TAF4: variants seen among roughly 807,000 people sequenced by gnomAD.
TAF4 encodes the protein transcription initiation factor TFIID subunit 4.
Under a neutral mutation model 90.3 loss-of-function variants are expected in TAF4, and 9 were observed. The observed-to-expected ratio is 0.10, with a 90% CI of 0.06 to 0.17. The LOEUF (loss-of-function observed/expected upper bound fraction) is 0.17, where lower values mean the gene tolerates loss of function less well. Ranked by LOEUF, TAF4 falls within the 10% of genes least tolerant of loss-of-function variation. The pLI is 1.00. For missense variants in TAF4, 1,351 were observed against 1,370.7 expected (o/e 0.99, Z 0.23); for synonymous variants, 818 against 638.9 (o/e 1.28, Z -4.23).
intron 1 of TAF4, among the ~76,000 whole-genome samples, chr20:62,048,076 G>A (rs903598486): frequency 1.3e-5 from 2 of 152,288 alleles, no homozygotes; most frequent in South Asian, 2.1e-4. Flanking sequence ...AGGGTGTGTA[G>A]AAGAAATCAA....
intron 1 of TAF4, among the ~76,000 whole-genome samples, chr20:62,029,888 C>T (rs1174621984): frequency 6.6e-6 from 1 of 152,016 alleles, no homozygotes; most frequent in Non-Finnish European, 1.5e-5. Flanking sequence ...CCTGGTGACA[C>T]GGCAAGACTC....
At position 62,064,619 on chromosome 20, in the gene TAF4, T is replaced by A; in HGVS notation, c.1192A>T (p.Thr398Ser). 7.2e-7 allele frequency: 1 copy of A among 1,385,770 alleles called. No individual in the cohort carries two copies. The highest frequency in any genetic ancestry group is 9.3e-7 in the Non-Finnish European group (1 of 1,075,426). The allele number at this position is 1,385,770 out of a possible 1,614,324, so 85.8% of individuals were successfully genotyped here. The change falls in exon 1 of 15, where the codon ACC (threonine) becomes TCC (serine). Residue 398 changes from threonine to serine, a missense_variant. Thr to Ser is a moderately conservative substitution (Grantham distance 58, BLOSUM62 1). Transcript: ENST00000252996. Reference protein sequence around the residue: ...AVPPPAPGTPTGLPKGAAGAV... With the variant: ...AVPPPAPGTPSGLPKGAAGAV... ...CCGGCCGCGCCTTTGGGCAGCCCGG[T>A]GGGGGTCCCGGGGGCGGGCGGCGGG...
chr20:62,022,698 A>G (rs969734830), intron 1 of TAF4, among the ~76,000 whole-genome samples: 4 of 152,204 alleles, frequency 2.6e-5, no homozygotes, highest in Admixed American at 6.5e-5. Flanking sequence ...TTCTGGCTAA[A>G]GCAAGTGTTC....
At chr20:62,008,528 C>A (rs1291324385) in intron 5 of TAF4, among the ~76,000 whole-genome samples, 2 of 129,244 alleles carry the variant, frequency 1.5e-5, no homozygotes, top group Non-Finnish European at 3.1e-5. Flanking sequence ...CTGTTCTCTG[C>A]GACAGAGGTT....
intron 1 of TAF4, among the ~76,000 whole-genome samples, chr20:62,035,109 C>T (rs1039439023): frequency 9.2e-5 from 14 of 152,138 alleles, no homozygotes; most frequent in African/African-American, 1.9e-4. Context: ...CGTGAGCCAC[C>T]GCACCCGGCC....
chr20:62,027,887 C>A (rs2055883427), intron 1 of TAF4, among the ~76,000 whole-genome samples: 1 of 152,226 alleles, frequency 6.6e-6, no homozygotes, highest in African/African-American at 2.4e-5. Context: ...CCCGCCTGCC[C>A]CTTGACCCCT....
chr20:62,046,984 T>C (rs1476724542), intron 1 of TAF4, among the ~76,000 whole-genome samples: 1 of 152,200 alleles, frequency 6.6e-6, no homozygotes, highest in Non-Finnish European at 1.5e-5. Context: ...GATATAAATA[T>C]TTTCTCCAAG....
intron 1 of TAF4, among the ~76,000 whole-genome samples, chr20:62,060,973 G>A (rs1005984484): frequency 2.6e-5 from 4 of 152,210 alleles, no homozygotes; most frequent in African/African-American, 9.7e-5. Flanking sequence ...ATGTTATCTG[G>A]CCCAACCTGA....
intron 1 of TAF4, among the ~76,000 whole-genome samples, chr20:62,029,222 T>C (rs977681293): frequency 6.6e-6 from 1 of 151,686 alleles, no homozygotes; most frequent in African/African-American, 2.4e-5. Context: ...ACTTAGGAAT[T>C]AATGGATCTA....
At chr20:62,025,894 G>T (rs2055871918) in intron 1 of TAF4, among the ~76,000 whole-genome samples, 1 of 152,172 alleles carries the variant, frequency 6.6e-6, no homozygotes, top group Non-Finnish European at 1.5e-5. Context: ...CCGTGCTGGG[G>T]GTAGGGTTCA....
At chr20:62,036,971 G>A (rs2055935928) in intron 1 of TAF4, among the ~76,000 whole-genome samples, 1 of 152,210 alleles carries the variant, frequency 6.6e-6, no homozygotes. Flanking sequence ...GAAGCTGCAT[G>A]GGAGCAGGCA....
At chr20:62,046,318 A>G (rs1474758388) in intron 1 of TAF4, among the ~76,000 whole-genome samples, 1 of 152,252 alleles carries the variant, frequency 6.6e-6, no homozygotes, top group Admixed American at 6.5e-5. Context: ...AACCACTACC[A>G]CAATCAAGAT....
chr20:62,051,554 C>T (rs367858358), intron 1 of TAF4, among the ~76,000 whole-genome samples: 226 of 152,252 alleles, frequency 1.5e-3, no homozygotes, highest in African/African-American at 4.9e-3. Context: ...CCCCTCTCAC[C>T]GCCATAGGAC....
chr20:62,004,493 T>A (rs1441885078), intron 7 of TAF4: 2 of 149,404 alleles, frequency 1.3e-5, no homozygotes, highest in African/African-American at 2.5e-5. Flanking sequence ...TGGCTAATTT[T>A]TGTAATTTTT....
intron 8 of TAF4, among the ~76,000 whole-genome samples, 174 bp downstream of exon 8, chr20:62,003,557 C>T (rs575609496): frequency 6.6e-4 from 101 of 152,356 alleles, no homozygotes; most frequent in African/African-American, 2.4e-3. Context: ...ATCATACTGA[C>T]AGTGGTGATG....
chr20:61,995,010 G>A (rs1231773637), intron 14 of TAF4, among the ~76,000 whole-genome samples: 4 of 152,186 alleles, frequency 2.6e-5, no homozygotes, highest in Non-Finnish European at 5.9e-5. Context: ...TAAGTTAAAG[G>A]GGCTTGAGAA....
chr20:62,064,654 G>C lies in TAF4; in HGVS notation c.1157C>G (p.Pro386Arg). Residue 386 changes from proline to arginine, a missense_variant, in exon 1 of 15, where the codon CCG becomes CGG. By Grantham distance (103) the Pro-to-Arg change is moderately radical. Transcript: ENST00000252996. The part of the protein sequence containing the change: ...GPTMQGALPS[P>R]AAVPPPAPGT... ...GGGGGCGGGCGGCGGGACGGCGGCC[G>C]GGCTGGGCAGCGCCCCTTGCATAGT... 4.6e-6 allele frequency: 6 copies of C among 1,315,458 alleles called. No homozygotes were observed. Among genetic ancestry groups the C allele is most frequent in the Non-Finnish European group, 5.8e-6 (6 of 1,039,276 alleles). The allele number at this position is 1,315,458 out of a possible 1,614,324, so 81.5% of individuals were successfully genotyped here.
chr20:61,977,509 T>TC (rs948459654), intron 14 of TAF4, among the ~76,000 whole-genome samples: 2 of 151,932 alleles, frequency 1.3e-5, no homozygotes, highest in Non-Finnish European at 2.9e-5. Context: ...CCGTCCTTCC[T>TC]CCCCCCTTCC....
chr20:62,006,485 G>C lies in TAF4; in HGVS notation c.2223+25C>G, dbSNP rs182330824. The C allele has an allele frequency of 3.4e-5, 50 of 1,473,798 alleles. 1 individual carries two copies. The East Asian group carries it at 1.2e-3, about 34-fold the overall frequency. 91.3% of individuals were successfully genotyped at this position (1,473,798 alleles called of 1,614,324 possible). ...GAGCAGAGGCACGGTGGGCTGTGCAGACCAGTCAGGCGCCCCTTCCATACC... is the reference window on the plus strand; with the variant it reads ...GAGCAGAGGCACGGTGGGCTGTGCACACCAGTCAGGCGCCCCTTCCATACC... On this transcript the variant is annotated intron_variant, in intron 7 of 14. Coordinates refer to ENST00000252996, the MANE Select transcript of TAF4 (RefSeq NM_003185.4). The surrounding 1 kb of genome is among the most constrained non-coding windows in gnomAD (Gnocchi z 7.0).
Sources: allele counts gnomAD v4.1 joint callset (sites outside exome capture counted in the v4.1 genomes callset), GRCh38; gene constraint gnomAD v4.1.1; non-coding constraint Gnocchi (gnomAD v3.1); transcripts MANE v1.5; gene names NCBI Gene and HGNC (gene_info 2026-07-23, HGNC 2026-07-21).